ACTR3C: variants seen among roughly 807,000 people sequenced by gnomAD.
The protein encoded by ACTR3C is actin-related protein 3C.
ACTR3C carries 18 observed loss-of-function variants against 26.3 expected under a neutral mutation model. The ratio of observed to expected loss-of-function variants is 0.68; its 90% confidence interval spans 0.47 to 1.01. ACTR3C has a LOEUF of 1.01. Ranked by LOEUF, ACTR3C falls within the 50% of genes least tolerant of loss-of-function variation. The pLI is 0.00. For missense variants in ACTR3C, 184 were observed against 250.7 expected, an observed-to-expected ratio of 0.73 and a Z score of 1.80; for synonymous variants, 55 against 94.5, an observed-to-expected ratio of 0.58 and a Z score of 2.42.
chr7:150,288,403 C>CT (rs796852488), intron 4 of ACTR3C, among the ~76,000 whole-genome samples: 3,891 of 129,446 alleles, frequency 0.03, 642 homozygotes, highest in African/African-American at 0.11. Context: ...AGGCTCAATT[C>CT]TTTTTTTTTT....
the ACTR3C span, among the ~76,000 whole-genome samples, chr7:150,079,760 T>A: frequency 6.6e-6 from 1 of 151,902 alleles, no homozygotes; most frequent in Non-Finnish European, 1.5e-5. Context: ...CACCAAGGAG[T>A]CTTGCCCTTT....
chr7:149,956,098 G>A, the ACTR3C span, among the ~76,000 whole-genome samples: 35 of 152,226 alleles, frequency 2.3e-4, no homozygotes, highest in African/African-American at 7.7e-4. Flanking sequence ...GAGGCAATTC[G>A]CCAAGCATTG....
At chr7:150,176,110 CA>C in the ACTR3C span, among the ~76,000 whole-genome samples, 1 of 150,412 alleles carries the variant, frequency 6.6e-6, no homozygotes, top group East Asian at 1.9e-4. Context: ...AAATACATGG[CA>C]AAAAAACACA....
At chr7:150,071,921 G>A in the ACTR3C span, among the ~76,000 whole-genome samples, 16 of 146,420 alleles carry the variant, frequency 1.1e-4, 2 homozygotes, top group African/African-American at 3.5e-4. Context: ...GTGAAAGATC[G>A]GAGCAGGCGG....
At chr7:149,928,758 G>C in the ACTR3C span, among the ~76,000 whole-genome samples, 1 of 151,356 alleles carries the variant, frequency 6.6e-6, no homozygotes. Flanking sequence ...CAGGAGAATC[G>C]CTTGAACCCG....
chr7:150,207,930 G>T, the ACTR3C span, among the ~76,000 whole-genome samples: 1 of 151,838 alleles, frequency 6.6e-6, no homozygotes, highest in Non-Finnish European at 1.5e-5. Flanking sequence ...AAAATCAAAA[G>T]GTATGTACTA....
the ACTR3C span, among the ~76,000 whole-genome samples, chr7:149,887,383 C>A: frequency 2.0e-5 from 3 of 152,180 alleles, no homozygotes; most frequent in African/African-American, 7.2e-5. Context: ...TATTAACCTG[C>A]TTATTACAGA....
chr7:150,076,546 A>G, the ACTR3C span: 2 of 152,072 alleles, frequency 1.3e-5, no homozygotes, highest in African/African-American at 4.8e-5. Flanking sequence ...CACCTCTTAT[A>G]AAGAGATATT....
the ACTR3C span, among the ~76,000 whole-genome samples, chr7:150,042,632 G>C: frequency 6.6e-6 from 1 of 151,518 alleles, no homozygotes; most frequent in Admixed American, 6.5e-5. Context: ...GGTAAGAGGG[G>C]ATGGATCTCA....
the ACTR3C span, among the ~76,000 whole-genome samples, chr7:150,039,391 CGGG>C: frequency 1.9e-4 from 8 of 42,468 alleles, no homozygotes; most frequent in African/African-American, 2.8e-4. Flanking sequence ...CCTAAGAACC[CGGG>C]GGGGAAGAGG....
chr7:150,103,441 G>A, the ACTR3C span, among the ~76,000 whole-genome samples: 1 of 152,000 alleles, frequency 6.6e-6, no homozygotes, highest in Non-Finnish European at 1.5e-5. Flanking sequence ...GCGCTGGTGA[G>A]TGGGGAGTGG....
At chr7:150,075,936 A>T in the ACTR3C span, among the ~76,000 whole-genome samples, 1 of 152,214 alleles carries the variant, frequency 6.6e-6, no homozygotes, top group Non-Finnish European at 1.5e-5. Context: ...TTATGACAGT[A>T]CAGTTACTTA....
At chr7:150,151,870 A>G in the ACTR3C span, among the ~76,000 whole-genome samples, 2 of 138,114 alleles carry the variant, frequency 1.4e-5, no homozygotes, top group Admixed American at 1.5e-4. Context: ...CCTAAAACTT[A>G]AAGTATAATA....
At chr7:150,201,141 G>A in the ACTR3C span, among the ~76,000 whole-genome samples, 1 of 152,132 alleles carries the variant, frequency 6.6e-6, no homozygotes, top group African/African-American at 2.4e-5. Context: ...CTAACAGTGA[G>A]CCTTCTATTT....
the ACTR3C span, among the ~76,000 whole-genome samples, chr7:150,035,966 G>T: frequency 1.3e-3 from 176 of 131,976 alleles, 16 homozygotes; most frequent in African/African-American, 5.0e-3. Context: ...GGCGGGAAGA[G>T]GGACTGGCTC....
chr7:150,304,929 C>T (rs1345306291), intron 1 of ACTR3C, among the ~76,000 whole-genome samples: 3 of 152,172 alleles, frequency 2.0e-5, no homozygotes, highest in African/African-American at 7.2e-5. Flanking sequence ...TCTGCCCGGG[C>T]TCCTTAACGA....
At chr7:150,083,575 T>C in the ACTR3C span, among the ~76,000 whole-genome samples, 3 of 152,086 alleles carry the variant, frequency 2.0e-5, no homozygotes, top group Admixed American at 2.0e-4. Flanking sequence ...TCAAAAAATA[T>C]ATATATTGTT....
chr7:150,297,914 AT>A (rs1795068125), intron 1 of ACTR3C, among the ~76,000 whole-genome samples: 1 of 151,394 alleles, frequency 6.6e-6, no homozygotes, highest in Non-Finnish European at 1.5e-5. Context: ...TGTAAATGTT[AT>A]AAATTTTAAT....
the ACTR3C span, among the ~76,000 whole-genome samples, chr7:150,099,115 A>C: frequency 1.2e-4 from 17 of 146,176 alleles, no homozygotes; most frequent in Admixed American, 8.7e-4. Flanking sequence ...ATAAACTGCC[A>C]GCAGTGGAGC....
Sources: gnomAD v4.1 joint callset for allele counts (sites outside exome capture counted in the v4.1 genomes callset) on GRCh38, gnomAD v4.1.1 for gene constraint, MANE v1.5 for transcripts, NCBI Gene and HGNC (gene_info 2026-07-23, HGNC 2026-07-21) for gene names.